The following EPB42 variants were observed in gnomAD, a reference collection of about 807,000 sequenced individuals.
The protein encoded by EPB42 is protein 4.2.
Under a neutral mutation model 76.9 loss-of-function variants are expected in EPB42, and 49 were observed. The ratio of observed to expected loss-of-function variants is 0.64; its 90% confidence interval spans 0.51 to 0.81. The LOEUF is 0.81. Among genes scored for constraint, EPB42 ranks in the 30% least tolerant of loss-of-function variants. The probability of loss-of-function intolerance (pLI) is 0.00; values close to 1 mark genes in which losing one functional copy is unlikely to be tolerated. For missense variants in EPB42, 731 were observed against 867.6 expected (o/e 0.84, Z 1.98); for synonymous variants, 310 against 338.4 (o/e 0.92, Z 0.92).
chr15:43,207,117 G>C, intron 9 of EPB42, 82 bp downstream of exon 9: 1 of 1,591,042 alleles, frequency 6.3e-7, no homozygotes, highest in Non-Finnish European at 8.6e-7. Flanking sequence ...GTCTCTTTCT[G>C]GCTGCATCTA....
At chr15:43,215,028 G>A (rs989059345) in intron 3 of EPB42, 67 bp downstream of exon 3, 2 of 1,407,976 alleles carry the variant, frequency 1.4e-6, no homozygotes, top group African/African-American at 2.8e-5. Flanking sequence ...CTCCCTGCCA[G>A]AGCTGCACCC....
chr15:43,199,017 C>T (rs1413693379), intron 12 of EPB42, among the ~76,000 whole-genome samples: 1 of 152,226 alleles, frequency 6.6e-6, no homozygotes, highest in Non-Finnish European at 1.5e-5. Context: ...TATGGAAATT[C>T]TGGGGGCCCA....
chr15:43,210,240 T>G, intron 5 of EPB42, 95 bp downstream of exon 5: 1 of 1,081,390 alleles, frequency 9.2e-7, no homozygotes, highest in Non-Finnish European at 1.4e-6. Context: ...CCATTTGTGA[T>G]TTGGGGGTTT....
upstream of EPB42, among the ~76,000 whole-genome samples, chr15:43,225,602 T>C (rs929358240): frequency 6.6e-6 from 1 of 152,134 alleles, no homozygotes; most frequent in Non-Finnish European, 1.5e-5. Context: ...GCAGTAAAGC[T>C]CTATAGACGC....
At chr15:43,215,049 G>A in intron 3 of EPB42, 46 bp downstream of exon 3, 1 of 1,538,088 alleles carries the variant, frequency 6.5e-7, no homozygotes, top group Non-Finnish European at 8.9e-7. Flanking sequence ...CAGCTCCAGT[G>A]TCTGGAGTCT....
rs1160977500 is a variant in EPB42 at position 43,203,239 on chromosome 15, A to G, written c.1655T>C (p.Phe552Ser). ...GGTGTTCTCGGGTGGGTTTCGCTCA[A>G]AATTGGAGAAGAACAGGCCGATGGT... ...IITIGLFFSN[F>S]ERNPPENTFL... Residue 552 changes from phenylalanine (F) to serine (S), a missense_variant, in exon 11 of 13, where the codon TTT becomes TCT. Phe to Ser is a radical substitution (Grantham distance 155, BLOSUM62 -2). Transcript: ENST00000441366. 1.9e-6 allele frequency: 3 copies of G among 1,613,986 alleles called. No homozygotes were observed. The highest frequency in any genetic ancestry group is 1.1e-5 in the South Asian group (1 of 91,072).
At chr15:43,221,821 T>TAAAAA (rs56939497), upstream of EPB42, among the ~76,000 whole-genome samples, 17 of 107,448 alleles carry the variant, frequency 1.6e-4, no homozygotes, top group African/African-American at 6.0e-4. Flanking sequence ...TCTTATTATG[T>TAAAAA]AAAAAAAAAA....
At chr15:43,215,717 A>G (rs2042368209) in intron 2 of EPB42, among the ~76,000 whole-genome samples, 1 of 152,054 alleles carries the variant, frequency 6.6e-6, no homozygotes, top group African/African-American at 2.4e-5. Context: ...TCTTTTTGAG[A>G]CGGAGTTTTG....
upstream of EPB42, among the ~76,000 whole-genome samples, chr15:43,224,225 C>T (rs1170973624): frequency 6.6e-6 from 1 of 152,150 alleles, no homozygotes; most frequent in East Asian, 1.9e-4. Flanking sequence ...TTTTCCTTTT[C>T]GTCTTCTTAT....
chr15:43,207,091 G>T, intron 9 of EPB42, 108 bp downstream of exon 9: 1 of 1,522,912 alleles, frequency 6.6e-7, no homozygotes, highest in South Asian at 1.2e-5. Flanking sequence ...TGTTTTATAT[G>T]ATGCGGAAAG....
rs2042219778 is a variant in EPB42, at chr15:43,207,294, TCAGTCAACTC to T, written c.1213_1222del (p.Glu405ThrfsTer72). ...GTTGCCAACATACTTTGTGTTGGAG[TCAGTCAACTC>T]CAGTGTCCCATCCTCACAGCACTTC... On this transcript the variant is annotated frameshift_variant, in exon 9 of 13. Transcript: ENST00000441366. LOFTEE classifies it high-confidence loss of function. The T allele has an allele frequency of 6.2e-7, 1 of 1,613,904 alleles. No homozygotes were observed. The highest frequency in any genetic ancestry group is 2.2e-5 in the East Asian group (1 of 44,880).
chr15:43,204,757 C>A (rs1596405636), intron 10 of EPB42, among the ~76,000 whole-genome samples: 1 of 152,138 alleles, frequency 6.6e-6, no homozygotes. Context: ...ATTTACACAA[C>A]CTTCTCATCT....
intron 5 of EPB42, 42 bp from the exon 6 acceptor site, chr15:43,209,493 G>T (rs1298417387): frequency 1.3e-6 from 2 of 1,582,886 alleles, no homozygotes; most frequent in Admixed American, 3.4e-5. Context: ...AGTCCCTTGG[G>T]CAGGACAGCT....
chr15:43,198,660 G>A (rs1334771145), intron 12 of EPB42, among the ~76,000 whole-genome samples: 1 of 152,218 alleles, frequency 6.6e-6, no homozygotes, highest in East Asian at 1.9e-4. Flanking sequence ...ATTTGCATAA[G>A]TAACAAGGAG....
chr15:43,222,720 T>C (rs1367225326), upstream of EPB42, among the ~76,000 whole-genome samples: 1 of 152,242 alleles, frequency 6.6e-6, no homozygotes, highest in Non-Finnish European at 1.5e-5. Context: ...ATGTATTAAA[T>C]GTATGCTAAA....
chr15:43,214,309 G>A (rs1369366575), intron 3 of EPB42, among the ~76,000 whole-genome samples: 1 of 152,224 alleles, frequency 6.6e-6, no homozygotes, highest in African/African-American at 2.4e-5. Context: ...TCCAGCCACA[G>A]CTAGGGCTGA....
chr15:43,197,402 A>G lies in EPB42; in HGVS notation c.1976T>C (p.Val659Ala). ...TTCCACAGTGAGTCTCTGGAGCCCC[A>G]CATGTGTTGGCGTGAACTGGAACTT... ...CAKFQFTPTH[V>A]GLQRLTVEVD... Residue 659 changes from valine to alanine, a missense_variant, in exon 13 of 13, where the codon GTG becomes GCG. Val to Ala is a moderately conservative substitution (Grantham distance 64, BLOSUM62 0). Coordinates refer to ENST00000441366, the MANE Select transcript of EPB42 (RefSeq NM_001114134.2). 1.9e-6 allele frequency: 3 copies of G among 1,614,156 alleles called. No homozygotes were observed. The highest frequency in any genetic ancestry group is 2.5e-6 in the Non-Finnish European group (3 of 1,180,038).
At chr15:43,202,712 T>C (rs979748429) in intron 11 of EPB42, among the ~76,000 whole-genome samples, 5 of 152,224 alleles carry the variant, frequency 3.3e-5, no homozygotes, top group African/African-American at 7.2e-5. Flanking sequence ...TTCCTGTTTT[T>C]ATAATCTTGG....
chr15:43,199,182 G>T (rs2042092459), intron 12 of EPB42, among the ~76,000 whole-genome samples: 1 of 152,188 alleles, frequency 6.6e-6, no homozygotes, highest in Non-Finnish European at 1.5e-5. Context: ...CCACACCCCA[G>T]AATGGTAGAT....
Sources: gnomAD v4.1 joint callset for allele counts (sites outside exome capture counted in the v4.1 genomes callset) on GRCh38, gnomAD v4.1.1 for gene constraint, MANE v1.5 for transcripts, NCBI Gene and HGNC (gene_info 2026-07-23, HGNC 2026-07-21) for gene names.